GALNT9: variants seen among roughly 807,000 people sequenced by gnomAD.
The protein encoded by GALNT9 is polypeptide N-acetylgalactosaminyltransferase 9.
A neutral mutation model predicts 63.1 loss-of-function variants in GALNT9; 47 were observed. That is an observed-to-expected ratio of 0.75 (90% confidence interval 0.59 to 0.95). GALNT9 has a LOEUF of 0.95. Ranked by LOEUF, GALNT9 falls within the 40% of genes least tolerant of loss-of-function variation. GALNT9 has a pLI of 0.00. For missense variants in GALNT9, 829 were observed against 874.8 expected, an observed-to-expected ratio of 0.95 and a Z score of 0.66; for synonymous variants, 396 against 365.7, an observed-to-expected ratio of 1.08 and a Z score of -0.94.
rs942187530 is a variant in GALNT9, at chr12:132,227,387, G to C, written c.1077+20523C>G. On this transcript the variant is annotated intron_variant, in intron 6 of 10. Transcript: ENST00000328957. ...GCCCAGCTCCCCGACCCTGCTGGCC[G>C]CAGCTCCCTCCGAAGCGTGTGCCTG... 4.4e-3 allele frequency among the ~76,000 whole-genome samples: 668 copies of C among 152,198 alleles called. 18 individuals are homozygous for C. In the East Asian group the frequency reaches 0.066, roughly 15 times the overall value.
chr12:132,318,873 G>GGTGCTGGC (rs1252996928), intron 1 of GALNT9, among the ~76,000 whole-genome samples: 1 of 152,254 alleles, frequency 6.6e-6, no homozygotes, highest in Non-Finnish European at 1.5e-5. Context: ...CCCTCTGCCA[G>GGTGCTGGC]TGGCTGGCTA....
At chr12:132,317,170 C>T (rs1868553621) in intron 1 of GALNT9, among the ~76,000 whole-genome samples, 1 of 151,636 alleles carries the variant, frequency 6.6e-6, no homozygotes, top group East Asian at 1.9e-4. Context: ...CGGCCCCATC[C>T]TACACCCCAC....
intron 6 of GALNT9, among the ~76,000 whole-genome samples, chr12:132,207,318 G>A (rs546504056): frequency 5.9e-5 from 9 of 152,196 alleles, no homozygotes; most frequent in South Asian, 2.1e-4. Flanking sequence ...GAGCGAGGCC[G>A]GGCACACAGT....
chr12:132,251,004 C>T (rs139364034), intron 5 of GALNT9, among the ~76,000 whole-genome samples: 1,529 of 152,274 alleles, frequency 0.01, 22 homozygotes, highest in Non-Finnish European at 0.013. Flanking sequence ...ACACAATCCA[C>T]GGAGAAGCTA....
In GALNT9 at chr12:132,329,368, C is replaced by A; in HGVS notation, c.-165G>T. 1.9e-6 allele frequency: 2 copies of A among 1,073,164 alleles called. No homozygotes were observed. The highest frequency in any genetic ancestry group is 3.3e-5 in the East Asian group (1 of 30,548). The allele number at this position is 1,073,164 out of a possible 1,614,324, so 66.5% of individuals were successfully genotyped here. On this transcript the variant is annotated 5_prime_UTR_variant, in exon 1 of 11. Coordinates refer to ENST00000328957, the MANE Select transcript of GALNT9 (RefSeq NM_001122636.2). ...AGCACCAGCTCAGCGCGCCGGGCCACGGCCGCCGGGGGTCCCCCAGAGCGC... is the reference window on the plus strand; with the variant it reads ...AGCACCAGCTCAGCGCGCCGGGCCAAGGCCGCCGGGGGTCCCCCAGAGCGC...
chr12:132,263,113 TGCTGGGCACAGCCGAGGA>T (rs1275670239), intron 2 of GALNT9, among the ~76,000 whole-genome samples: 1 of 152,016 alleles, frequency 6.6e-6, no homozygotes, highest in African/African-American at 2.4e-5. Context: ...GGGACGGCGC[TGCTGGGCACAGCCGAGGA>T]GCTGGGCACA....
chr12:132,299,605 C>T (rs1309866413), intron 1 of GALNT9, among the ~76,000 whole-genome samples: 2 of 131,716 alleles, frequency 1.5e-5, no homozygotes, highest in East Asian at 5.3e-4. Context: ...TCCCACCACA[C>T]CTAACCCATC....
intron 5 of GALNT9, among the ~76,000 whole-genome samples, chr12:132,257,452 A>ATCCCCAGCCCTCGTCCCCACGCCCTCG (rs1566001872): frequency 7.3e-6 from 1 of 136,184 alleles, no homozygotes; most frequent in African/African-American, 2.9e-5. Flanking sequence ...CCATGCCCTC[A>ATCCCCAGCCCTCGTCCCCACGCCCTCG]TCCCCGGCCC....
rs1392543797 is a variant in GALNT9, at chr12:132,236,678, C to G, written c.1077+11232G>C. On this transcript the variant is annotated intron_variant, in intron 6 of 10. Transcript: ENST00000328957. The surrounding 1 kb of genome is among the most constrained non-coding windows in gnomAD (Gnocchi z 5.6). Reference sequence around the variant, plus strand: ...AAACCAAAGCCATCCCGAAGATCGCCCAGCCTCGCAAGGTGTAAGGTTTCG... The same window carrying G: ...AAACCAAAGCCATCCCGAAGATCGCGCAGCCTCGCAAGGTGTAAGGTTTCG... Among the ~76,000 whole-genome samples, 1 of 152,300 alleles carries G rather than the reference C, an allele frequency of 6.6e-6. No individual in the cohort carries two copies. Among genetic ancestry groups the G allele is most frequent in the East Asian group, 1.9e-4 (1 of 5,184 alleles).
intron 2 of GALNT9, among the ~76,000 whole-genome samples, chr12:132,284,806 G>A (rs1167288545): frequency 6.6e-6 from 1 of 152,238 alleles, no homozygotes; most frequent in African/African-American, 2.4e-5. Context: ...AGGGTGTGAA[G>A]TGGGCCCCAC....
At position 132,257,905 on chromosome 12, in the gene GALNT9, G is replaced by A; in HGVS notation, c.762-19C>T. ...CTCGGCCCTGCGGAGGCACAGCTGT[G>A]AGGAGGGGCGGCCCCAGCCCACCGC... On this transcript the variant is annotated intron_variant, in intron 4 of 10. Coordinates refer to ENST00000328957, the MANE Select transcript of GALNT9 (RefSeq NM_001122636.2). 1 of 1,487,250 alleles carries A rather than the reference G, an allele frequency of 6.7e-7. No homozygotes were observed. The highest frequency in any genetic ancestry group is 9.1e-7 in the Non-Finnish European group (1 of 1,101,196). 92.1% of individuals were successfully genotyped at this position (1,487,250 alleles called of 1,614,324 possible). A position where few individuals can be genotyped will look rare whatever the true frequency, so the allele number is the denominator to read the frequency against.
At chr12:132,309,413 C>T (rs28722576) in intron 1 of GALNT9, among the ~76,000 whole-genome samples, 41,881 of 152,110 alleles carry the variant, frequency 0.28, 6,821 homozygotes, top group African/African-American at 0.45. Flanking sequence ...AATGAGGGCC[C>T]CAAAAGCTAT....
Position 132,196,951 on chromosome 12 carries a change from G to C in GALNT9, c.*156C>G. 6.8e-7 allele frequency: 1 copy of C among 1,471,046 alleles called. No homozygotes were observed. Among genetic ancestry groups the C allele is most frequent in the South Asian group, 1.4e-5 (1 of 71,202 alleles). The allele number at this position is 1,471,046 out of a possible 1,614,324, so 91.1% of individuals were successfully genotyped here. ...TCCAGATGCAGTGGGTGACACCCTG[G>C]TCACTCAGCCACACCCCGGCCCCTC... On this transcript the variant is annotated 3_prime_UTR_variant, in exon 11 of 11. Transcript: ENST00000328957.
intron 6 of GALNT9, among the ~76,000 whole-genome samples, chr12:132,209,577 A>G (rs1876868850): frequency 6.6e-6 from 1 of 152,040 alleles, no homozygotes; most frequent in African/African-American, 2.4e-5. Context: ...CCAGTAAAGG[A>G]GCCGCCAAGT....
Position 132,291,505 on chromosome 12 carries a change from TCCACACCACCCACATCCACAG to T in GALNT9, c.239-5096_239-5076del, listed in dbSNP as rs1566015241. 2.5e-3 allele frequency among the ~76,000 whole-genome samples: 348 copies of T among 137,424 alleles called. 11 individuals carry two copies. Among genetic ancestry groups the T allele is most frequent in the African/African-American group, 9.6e-3 (332 of 34,728 alleles). 90.2% of individuals were successfully genotyped at this position (137,424 alleles called of 152,430 possible). ...AGCACCCACAACCACAGCGCCCACG[TCCACACCACCCACATCCACAG>T]CACCCACGTCCACACCACCGACATC... On this transcript the variant is annotated intron_variant, in intron 1 of 10. Transcript: ENST00000328957.
intron 6 of GALNT9, among the ~76,000 whole-genome samples, chr12:132,230,811 T>C (rs1205466584): frequency 1.3e-5 from 2 of 152,230 alleles, no homozygotes; most frequent in South Asian, 2.1e-4. Flanking sequence ...GATCGATTTA[T>C]TTTGTTGGTG....
chr12:132,221,907 G>A (rs1457586144), intron 6 of GALNT9, among the ~76,000 whole-genome samples: 2 of 152,118 alleles, frequency 1.3e-5, no homozygotes, highest in Non-Finnish European at 2.9e-5. Flanking sequence ...GTAAAAGCAA[G>A]AGAATAATAG....
rs1465601873 is a variant in GALNT9, at chr12:132,257,785, G to A, written c.863C>T (p.Ala288Val). 1.8e-5 allele frequency: 28 copies of A among 1,550,402 alleles called. No individual in the cohort carries two copies. The highest frequency in any genetic ancestry group is 5.9e-5 in the South Asian group (5 of 84,064). Residue 288 changes from alanine (A) to valine (V), a missense_variant, in exon 5 of 11, where the codon GCG becomes GTG. Physicochemically the swap from Ala to Val is moderately conservative, Grantham distance 64. Coordinates refer to ENST00000328957, the MANE Select transcript of GALNT9 (RefSeq NM_001122636.2). ...KYSTFEVQQY[A>V]NAAHGYNWGL... Reference sequence around the variant, plus strand: ...CCAGTTGTAGCCATGGGCGGCGTTCGCATACTGCTGCACCTCAAACGTGCT... The same window carrying A: ...CCAGTTGTAGCCATGGGCGGCGTTCACATACTGCTGCACCTCAAACGTGCT...
chr12:132,305,075 A>T (rs369573363), intron 1 of GALNT9, among the ~76,000 whole-genome samples: 2 of 59,798 alleles, frequency 3.3e-5, no homozygotes, highest in African/African-American at 1.9e-4. Flanking sequence ...ACACACCCTC[A>T]CCTGGGCACA....
Sources: allele counts gnomAD v4.1 joint callset (sites outside exome capture counted in the v4.1 genomes callset), GRCh38; gene constraint gnomAD v4.1.1; non-coding constraint Gnocchi (gnomAD v3.1); transcripts MANE v1.5; gene names NCBI Gene and HGNC (gene_info 2026-07-23, HGNC 2026-07-21).